PODXL: variants seen among roughly 807,000 people sequenced by gnomAD.
PODXL encodes podocalyxin like.
In PODXL, 20 loss-of-function variants were observed where a neutral mutation model predicts 48.9. The ratio of observed to expected loss-of-function variants is 0.41; its 90% CI spans 0.29 to 0.59. The LOEUF (loss-of-function observed/expected upper bound fraction) is 0.59. PODXL is among the 20% of genes least tolerant of loss of function. The pLI, the probability that PODXL is intolerant of heterozygous loss-of-function variation, is 0.31. For synonymous variants in PODXL, 295 were observed against 287.4 expected, an observed-to-expected ratio of 1.03 and a Z score of -0.27; for missense variants, 606 against 675.1, an observed-to-expected ratio of 0.90 and a Z score of 1.13.
At chr7:131,519,623 A>C (rs984516093) in intron 1 of PODXL, among the ~76,000 whole-genome samples, 1 of 152,200 alleles carries the variant, frequency 6.6e-6, no homozygotes, top group Non-Finnish European at 1.5e-5. Context: ...ATCCAAAGGC[A>C]TAAGTAAACA....
intron 1 of PODXL, among the ~76,000 whole-genome samples, chr7:131,523,590 G>A (rs573372745): frequency 1.4e-5 from 2 of 141,466 alleles, no homozygotes; most frequent in South Asian, 4.7e-4. Flanking sequence ...GCTGAGGCAG[G>A]AGAATGGCAT....
At chr7:131,511,637 T>G (rs1323185644) in intron 1 of PODXL, among the ~76,000 whole-genome samples, 1 of 152,020 alleles carries the variant, frequency 6.6e-6, no homozygotes, top group African/African-American at 2.4e-5. Flanking sequence ...TTCCTTTTTG[T>G]GGAGAATGGG....
At chr7:131,507,172 C>T (rs936997373) in intron 5 of PODXL, among the ~76,000 whole-genome samples, 5 of 152,172 alleles carry the variant, frequency 3.3e-5, no homozygotes, top group East Asian at 3.9e-4. Flanking sequence ...ATGCCCAGTT[C>T]GGAGAAATCA....
chr7:131,556,217 G>A (rs1798740229), intron 1 of PODXL, 43 bp downstream of exon 1: 2 of 1,427,410 alleles, frequency 1.4e-6, no homozygotes. Context: ...GGGGGCACAT[G>A]GGCACGGTGG....
chr7:131,529,626 C>T (rs1004814876), intron 1 of PODXL, among the ~76,000 whole-genome samples: 2 of 151,642 alleles, frequency 1.3e-5, no homozygotes, highest in African/African-American at 4.8e-5. Context: ...AAAAAAAAAA[C>T]TTCCAAGGGG....
At chr7:131,506,176 C>T (rs1047620939) in intron 7 of PODXL, 84 bp downstream of exon 7, 53 of 1,559,450 alleles carry the variant, frequency 3.4e-5, no homozygotes, top group African/African-American at 2.2e-4. Flanking sequence ...GACGGGGTTC[C>T]TCCCCACAGA....
chr7:131,518,665 C>T (rs10264841), intron 1 of PODXL, among the ~76,000 whole-genome samples: 132,089 of 152,232 alleles, frequency 0.87, 57,673 homozygotes, highest in East Asian at 1. Flanking sequence ...GGCCACTTAT[C>T]CTGCCATAGA....
At position 131,502,636 on chromosome 7, in the gene PODXL, C is replaced by T. The variant is rs1036533411; in HGVS notation, c.*1675G>A. 2 of 152,270 alleles carry T rather than the reference C, an allele frequency of 1.3e-5. No individual in the cohort carries two copies. Among genetic ancestry groups the T allele is most frequent in the Non-Finnish European group, 2.9e-5 (2 of 68,036 alleles). The allele number at this position is 152,270 out of a possible 1,614,324, so 9.4% of individuals were successfully genotyped here. A position where few individuals can be genotyped will look rare whatever the true frequency, so the allele number is the denominator to read the frequency against. On this transcript the variant is annotated 3_prime_UTR_variant, in exon 9 of 9. Transcript: ENST00000378555. The stretch of plus-strand genomic sequence containing the variant: ...CACCCGAAAAATGGCAATTTCATTC[C>T]CCTAAGCAGTTCTGCCCATTTTCCT...
intron 1 of PODXL, among the ~76,000 whole-genome samples, chr7:131,513,287 G>A (rs1404513845): frequency 6.6e-6 from 1 of 152,172 alleles, no homozygotes; most frequent in African/African-American, 2.4e-5. Flanking sequence ...TATTGACACT[G>A]GAGACAAAAG....
chr7:131,551,428 G>A (rs1445648261), intron 1 of PODXL, among the ~76,000 whole-genome samples: 1 of 152,242 alleles, frequency 6.6e-6, no homozygotes, highest in Admixed American at 6.5e-5. Flanking sequence ...AGGCTGGTGG[G>A]TAGGGATGGG....
chr7:131,529,374 G>A (rs1180718292), intron 1 of PODXL, among the ~76,000 whole-genome samples: 1 of 152,126 alleles, frequency 6.6e-6, no homozygotes, highest in African/African-American at 2.4e-5. Flanking sequence ...CCTGGGGTGG[G>A]AAGCCTGCTT....
chr7:131,536,068 A>T (rs1798369749), intron 1 of PODXL, among the ~76,000 whole-genome samples: 1 of 152,156 alleles, frequency 6.6e-6, no homozygotes, highest in Admixed American at 6.5e-5. Flanking sequence ...AAAGAGGACT[A>T]TGTTTTTTAA....
intron 4 of PODXL, 92 bp downstream of exon 4, chr7:131,509,273 C>A: frequency 1.9e-6 from 2 of 1,063,340 alleles, no homozygotes; most frequent in East Asian, 2.4e-5. Flanking sequence ...GCCAGGGGCC[C>A]TGCGTTGGAG....
intron 1 of PODXL, among the ~76,000 whole-genome samples, chr7:131,526,739 C>CTTTTTTTTTTTTTTTTT (rs57935236): frequency 2.2e-5 from 2 of 90,498 alleles, no homozygotes; most frequent in East Asian, 4.5e-4. Context: ...CTTCCTTACT[C>CTTTTTTTTTTTTTTTTT]TTTTTTTTTT....
chr7:131,547,335 T>A (rs1798595505), intron 1 of PODXL, among the ~76,000 whole-genome samples: 1 of 125,746 alleles, frequency 8.0e-6, no homozygotes, highest in Non-Finnish European at 1.5e-5. Context: ...ATTGCGCCAT[T>A]GCACTCCAGC....
At chr7:131,552,847 C>T (rs757995391) in intron 1 of PODXL, among the ~76,000 whole-genome samples, 16 of 152,156 alleles carry the variant, frequency 1.1e-4, no homozygotes, top group Non-Finnish European at 1.9e-4. Flanking sequence ...AGAGCAGTGG[C>T]GTGATCTTGG....
chr7:131,501,377 A>T lies in PODXL; in HGVS notation c.*2934T>A, dbSNP rs1311651972. On this transcript the variant is annotated 3_prime_UTR_variant, in exon 9 of 9. Transcript: ENST00000378555. ...AAATATGTGTATATGTATCAGTTTGAACTTGTTCTTCAAAGTTTCTCCAGT... is the reference window on the plus strand; with the variant it reads ...AAATATGTGTATATGTATCAGTTTGTACTTGTTCTTCAAAGTTTCTCCAGT... The T allele has an allele frequency of 6.6e-6, 1 of 152,616 alleles. No homozygotes were observed. The highest frequency in any genetic ancestry group is 1.5e-5 in the Non-Finnish European group (1 of 68,042). The allele number at this position is 152,616 out of a possible 1,614,324, so 9.5% of individuals were successfully genotyped here. A position where few individuals can be genotyped will look rare whatever the true frequency, so the allele number is the denominator to read the frequency against.
At chr7:131,520,671 T>C (rs1057275888) in intron 1 of PODXL, among the ~76,000 whole-genome samples, 1 of 152,242 alleles carries the variant, frequency 6.6e-6, no homozygotes, top group Non-Finnish European at 1.5e-5. Flanking sequence ...TCTGTTCTGC[T>C]CTAATATGTG....
At chr7:131,524,370 A>ACT in intron 1 of PODXL, among the ~76,000 whole-genome samples, 1 of 114,632 alleles carries the variant, frequency 8.7e-6, no homozygotes, top group South Asian at 2.9e-4. Context: ...ACGCACACAC[A>ACT]CACACACACA....
Sources: gnomAD v4.1 joint callset for allele counts (sites outside exome capture counted in the v4.1 genomes callset) on GRCh38, gnomAD v4.1.1 for gene constraint, MANE v1.5 for transcripts, NCBI Gene and HGNC (gene_info 2026-07-23, HGNC 2026-07-21) for gene names.